MAN1A1: variants seen among roughly 807,000 people sequenced by gnomAD.
MAN1A1 encodes mannosidase alpha class 1A member 1.
MAN1A1 carries 29 observed loss-of-function variants against 70.8 expected under a neutral mutation model. The ratio of observed to expected loss-of-function variants is 0.41; its 90% CI spans 0.31 to 0.56. The LOEUF (loss-of-function observed/expected upper bound fraction) is 0.56. Ranked by LOEUF, MAN1A1 falls within the 20% of genes least tolerant of loss-of-function variation. The pLI, the probability that MAN1A1 is intolerant of heterozygous loss-of-function variation, is 0.29. For missense variants in MAN1A1, 747 were observed against 841.3 expected (o/e 0.89, Z 1.39); for synonymous variants, 349 against 330.1 (o/e 1.06, Z -0.62).
At chr6:119,305,418 G>A (rs1772500683) in intron 3 of MAN1A1, among the ~76,000 whole-genome samples, 1 of 152,080 alleles carries the variant, frequency 6.6e-6, no homozygotes, top group Non-Finnish European at 1.5e-5. Flanking sequence ...AAAGGCCTCT[G>A]GCTCTGCATG....
intron 2 of MAN1A1, among the ~76,000 whole-genome samples, chr6:119,339,920 G>A (rs985704296): frequency 5.3e-5 from 8 of 151,996 alleles, no homozygotes; most frequent in African/African-American, 1.5e-4. Context: ...GGGAAACCTT[G>A]CCTCTACCAA....
chr6:119,277,936 C>CAAA (rs58837799), intron 5 of MAN1A1, among the ~76,000 whole-genome samples: 2,235 of 23,126 alleles, frequency 0.097, 289 homozygotes, highest in Non-Finnish European at 0.11. Flanking sequence ...GACTCCATCT[C>CAAA]AAAAAAAAAA....
At chr6:119,285,966 G>A (rs556035814) in intron 5 of MAN1A1, among the ~76,000 whole-genome samples, 5 of 152,250 alleles carry the variant, frequency 3.3e-5, no homozygotes, top group Non-Finnish European at 7.4e-5. Context: ...TGGTCACTAG[G>A]AAACCGGAAG....
intron 8 of MAN1A1, among the ~76,000 whole-genome samples, chr6:119,200,798 G>A (rs1283467673): frequency 6.6e-6 from 1 of 152,060 alleles, no homozygotes; most frequent in Non-Finnish European, 1.5e-5. Context: ...AGAAAAACAG[G>A]CTGTTTGCTC....
chr6:119,209,002 G>T (rs1773967180), intron 6 of MAN1A1, among the ~76,000 whole-genome samples: 1 of 150,754 alleles, frequency 6.6e-6, no homozygotes, highest in African/African-American at 2.4e-5. Flanking sequence ...AGTGGAGGCA[G>T]GAGGATCACT....
At chr6:119,291,914 C>G (rs1299736048) in intron 4 of MAN1A1, among the ~76,000 whole-genome samples, 1 of 152,034 alleles carries the variant, frequency 6.6e-6, no homozygotes, top group Non-Finnish European at 1.5e-5. Flanking sequence ...TTAGTCCTCA[C>G]AATGACCTTA....
At chr6:119,279,574 T>C (rs1776171789) in intron 5 of MAN1A1, among the ~76,000 whole-genome samples, 1 of 150,614 alleles carries the variant, frequency 6.6e-6, no homozygotes, top group East Asian at 2.0e-4. Flanking sequence ...TTTTAAAATG[T>C]ACACGTTCAC....
At chr6:119,221,967 GA>G (rs2114259074) in intron 6 of MAN1A1, among the ~76,000 whole-genome samples, 1 of 152,128 alleles carries the variant, frequency 6.6e-6, no homozygotes, top group Non-Finnish European at 1.5e-5. Flanking sequence ...AAATTATTTT[GA>G]AGAAGTCACA....
chr6:119,241,494 T>C (rs1237982380), intron 6 of MAN1A1, among the ~76,000 whole-genome samples: 1 of 152,140 alleles, frequency 6.6e-6, no homozygotes, highest in East Asian at 1.9e-4. Flanking sequence ...GAAAAGCAAA[T>C]TATCAATTCT....
chr6:119,281,314 C>G (rs1469150136), intron 5 of MAN1A1, among the ~76,000 whole-genome samples: 2 of 152,150 alleles, frequency 1.3e-5, no homozygotes, highest in African/African-American at 4.8e-5. Context: ...CTACTCTGGG[C>G]AGTTAAGAGG....
At chr6:119,205,949 C>T (rs909460889) in intron 6 of MAN1A1, among the ~76,000 whole-genome samples, 9 of 152,340 alleles carry the variant, frequency 5.9e-5, no homozygotes, top group African/African-American at 2.2e-4. Context: ...TCCAATCACA[C>T]ATGATGAATG....
chr6:119,341,551 G>A lies in MAN1A1; in HGVS notation c.603+6912C>T, dbSNP rs929999207. Among the ~76,000 whole-genome samples, 5 of 152,094 alleles carry A rather than the reference G, an allele frequency of 3.3e-5. No homozygotes were observed. In the East Asian group the frequency reaches 9.6e-4, roughly 29 times the overall value. ...ATTTCTCATGTGTAAAATGAGTAGT[G>A]GGTCTGGAATCCTAATAAATCTAAA... On this transcript the variant is annotated intron_variant, in intron 2 of 12. Coordinates refer to ENST00000368468, the MANE Select transcript of MAN1A1 (RefSeq NM_005907.4).
chr6:119,273,654 A>C (rs1775982287), intron 5 of MAN1A1, among the ~76,000 whole-genome samples: 1 of 152,164 alleles, frequency 6.6e-6, no homozygotes, highest in African/African-American at 2.4e-5. Flanking sequence ...AGCTAAAAGG[A>C]TCTACTCATA....
chr6:119,279,205 C>T (rs530698578), intron 5 of MAN1A1, among the ~76,000 whole-genome samples: 2 of 152,290 alleles, frequency 1.3e-5, no homozygotes, highest in East Asian at 3.9e-4. Context: ...ATGGCTACTA[C>T]TCCTACGCTA....
At chr6:119,202,922 A>C (rs1017175949) in intron 7 of MAN1A1, among the ~76,000 whole-genome samples, 2 of 152,124 alleles carry the variant, frequency 1.3e-5, no homozygotes, top group African/African-American at 2.4e-5. Flanking sequence ...TGGAGATGGT[A>C]ATTAGGTTAT....
chr6:119,275,375 C>T lies in MAN1A1; in HGVS notation c.897+15308G>A, dbSNP rs551571521. The stretch of plus-strand genomic sequence containing the variant: ...AGGCTGGAGTGCAGTGGCGGGATCT[C>T]GGCTCACTGCAAGCTCCGCCTCCCG... On this transcript the variant is annotated intron_variant, in intron 5 of 12. Transcript: ENST00000368468. 6.6e-4 allele frequency among the ~76,000 whole-genome samples: 72 copies of T among 109,138 alleles called. 1 individual carries two copies. The highest frequency in any genetic ancestry group is 1.1e-3 in the Non-Finnish European group (57 of 53,066). The allele number at this position is 109,138 out of a possible 152,430, so 71.6% of individuals were successfully genotyped here.
chr6:119,257,770 A>C (rs1027219426), intron 5 of MAN1A1, among the ~76,000 whole-genome samples: 4 of 152,020 alleles, frequency 2.6e-5, no homozygotes, highest in Admixed American at 6.5e-5. Flanking sequence ...TAAGTGTACC[A>C]CATGTGTTAT....
chr6:119,214,954 A>AT (rs1195839443), intron 6 of MAN1A1, among the ~76,000 whole-genome samples: 1 of 151,854 alleles, frequency 6.6e-6, no homozygotes, highest in Non-Finnish European at 1.5e-5. Context: ...AAAGAATAGC[A>AT]TTTTAAAATT....
intron 2 of MAN1A1, among the ~76,000 whole-genome samples, chr6:119,311,802 C>T (rs979630859): frequency 4.6e-5 from 7 of 152,118 alleles, no homozygotes; most frequent in African/African-American, 1.4e-4. Context: ...AGGGCAGTAG[C>T]AGCTCGGTGT....
Sources: gnomAD v4.1 joint callset for allele counts (sites outside exome capture counted in the v4.1 genomes callset) on GRCh38, gnomAD v4.1.1 for gene constraint, MANE v1.5 for transcripts, NCBI Gene and HGNC (gene_info 2026-07-23, HGNC 2026-07-21) for gene names.